The following SERTAD2 variants were observed in gnomAD, a reference collection of about 807,000 sequenced individuals.
SERTAD2 encodes the protein SERTA domain-containing protein 2.
SERTAD2 carries 2 observed loss-of-function variants against 15.4 expected under a neutral mutation model. The ratio of observed to expected loss-of-function variants is 0.13; its 90% confidence interval spans 0.05 to 0.41. The LOEUF is 0.41. SERTAD2 is among the 10% of genes least tolerant of loss of function. The pLI, the probability that SERTAD2 is intolerant of heterozygous loss-of-function variation, is 0.99. For synonymous variants in SERTAD2, 180 were observed against 178.0 expected (o/e 1.01, Z -0.09); for missense variants, 333 against 409.7 (o/e 0.81, Z 1.62).
intron 1 of SERTAD2, among the ~76,000 whole-genome samples, chr2:64,641,793 G>A (rs1233602038): frequency 6.6e-6 from 1 of 152,184 alleles, no homozygotes; most frequent in East Asian, 1.9e-4. Flanking sequence ...TATGGAGTAG[G>A]CAGGAAAGCT....
rs895399713 is a variant in SERTAD2 at position 64,636,570 on chromosome 2, C to T, written c.302G>A (p.Arg101Gln). ...QPTTEPSDSY[R>Q]EAPPAFSHLA... ...GTGGCTGAAGGCCGGCGGGGCCTCT[C>T]GGTAGCTGTCGCTGGGCTCGGTGGT... Residue 101 changes from arginine (R) to glutamine (Q), a missense_variant, in exon 2 of 2, where the codon CGA (arginine) becomes CAA (glutamine). Physicochemically the swap from Arg to Gln is conservative, Grantham distance 43. This residue lies in a region of SERTAD2 where 332 missense variants were observed against 392.9 expected (regional missense o/e 0.84). Coordinates refer to ENST00000313349, the MANE Select transcript of SERTAD2 (RefSeq NM_014755.3). 9.4e-6 allele frequency: 15 copies of T among 1,595,992 alleles called. No homozygotes were observed. The highest frequency in any genetic ancestry group is 1.7e-4 in the Middle Eastern group (1 of 5,972).
chr2:64,642,723 G>A (rs945756235), intron 1 of SERTAD2, among the ~76,000 whole-genome samples: 2 of 152,170 alleles, frequency 1.3e-5, no homozygotes, highest in African/African-American at 4.8e-5. Context: ...CCCTGGGTTG[G>A]GGGGGCAGGG....
intron 1 of SERTAD2, among the ~76,000 whole-genome samples, chr2:64,641,445 T>C (rs1431649941): frequency 6.6e-6 from 1 of 152,222 alleles, no homozygotes; most frequent in Non-Finnish European, 1.5e-5. Context: ...GGATTGTCTC[T>C]TCATATCTGT....
At chr2:64,649,835 T>C (rs1674973235) in intron 1 of SERTAD2, among the ~76,000 whole-genome samples, 1 of 152,148 alleles carries the variant, frequency 6.6e-6, no homozygotes, top group Admixed American at 6.5e-5. Flanking sequence ...CGCCTCCGCA[T>C]AGCTCAGTCC....
chr2:64,647,799 GT>G (rs1334595803), intron 1 of SERTAD2, among the ~76,000 whole-genome samples: 1 of 152,102 alleles, frequency 6.6e-6, no homozygotes, highest in Non-Finnish European at 1.5e-5. Flanking sequence ...GGCCTTCTAG[GT>G]TTTATTAGAC....
chr2:64,639,225 C>G (rs969853870), intron 1 of SERTAD2, among the ~76,000 whole-genome samples: 2 of 152,206 alleles, frequency 1.3e-5, no homozygotes, highest in African/African-American at 4.8e-5. Flanking sequence ...TGGTGCCTGT[C>G]TGCGAACTGT....
At chr2:64,645,383 G>A (rs905948044) in intron 1 of SERTAD2, among the ~76,000 whole-genome samples, 18 of 45,312 alleles carry the variant, frequency 4.0e-4, no homozygotes, top group Middle Eastern at 8.5e-3. Context: ...CAGTGAAGAA[G>A]AAGAAGAAGA....
intron 1 of SERTAD2, chr2:64,646,479 CTT>C (rs1674904881): frequency 6.6e-6 from 1 of 151,980 alleles, no homozygotes; most frequent in African/African-American, 2.4e-5. Flanking sequence ...AGTTGGAACT[CTT>C]TAAATTCTGG....
intron 1 of SERTAD2, among the ~76,000 whole-genome samples, chr2:64,640,543 C>G (rs1344690269): frequency 2.0e-5 from 3 of 152,072 alleles, no homozygotes; most frequent in Non-Finnish European, 4.4e-5. Flanking sequence ...AGGCAAGGGA[C>G]CTTTCAAAAA....
At chr2:64,641,223 G>A (rs1674770260) in intron 1 of SERTAD2, among the ~76,000 whole-genome samples, 1 of 152,168 alleles carries the variant, frequency 6.6e-6, no homozygotes, top group African/African-American at 2.4e-5. Context: ...CTGGGTAGAT[G>A]CTCAAAAGTA....
chr2:64,638,394 TTTTGAA>T (rs2104339889), intron 1 of SERTAD2, among the ~76,000 whole-genome samples: 1 of 152,344 alleles, frequency 6.6e-6, no homozygotes, highest in South Asian at 2.1e-4. Context: ...CTGATCACCA[TTTTGAA>T]TTTCAAGTCT....
In SERTAD2 at chr2:64,636,310, C is replaced by T; in HGVS notation, c.562G>A (p.Ala188Thr). 6.2e-7 allele frequency: 1 copy of T among 1,614,176 alleles called. No homozygotes were observed. Among genetic ancestry groups the T allele is most frequent in the Non-Finnish European group, 8.5e-7 (1 of 1,180,044 alleles). Residue 188 changes from alanine (A) to threonine (T), a missense_variant, in exon 2 of 2, where the codon GCG becomes ACG. Physicochemically the swap from Ala to Thr is moderately conservative, Grantham distance 58. This residue lies in a region of SERTAD2 where 332 missense variants were observed against 392.9 expected (regional missense o/e 0.84). Coordinates refer to ENST00000313349, the MANE Select transcript of SERTAD2 (RefSeq NM_014755.3). ...ACACTGTCAGTCGCAGCCGTGGCCG[C>T]CTCTGTGGAGGTAGATGTGGGACAG... ...ELCPTSTSTEAATAATDSVKG... is the reference protein window; with the variant it reads ...ELCPTSTSTETATAATDSVKG...
At chr2:64,642,791 G>C (rs1303204676) in intron 1 of SERTAD2, among the ~76,000 whole-genome samples, 1 of 152,154 alleles carries the variant, frequency 6.6e-6, no homozygotes, top group African/African-American at 2.4e-5. Flanking sequence ...ACCAAGGCTG[G>C]CTTGCTGGGT....
chr2:64,644,180 C>T (rs1026276680), intron 1 of SERTAD2, among the ~76,000 whole-genome samples: 4 of 152,214 alleles, frequency 2.6e-5, no homozygotes, highest in African/African-American at 9.6e-5. Context: ...AGTGGAAACA[C>T]ATTCATACTC....
In SERTAD2 at chr2:64,633,936, T is replaced by C. The variant is rs1245402733; in HGVS notation, c.*1991A>G. ...TTTGCTTAGATGAGCAGTTCCTTCATCACAAACGTCTTTGCTTTGCCATGT... is the reference window on the plus strand; with the variant it reads ...TTTGCTTAGATGAGCAGTTCCTTCACCACAAACGTCTTTGCTTTGCCATGT... On this transcript the variant is annotated 3_prime_UTR_variant, in exon 2 of 2. Transcript: ENST00000313349. The C allele has an allele frequency of 6.6e-6, 1 of 152,634 alleles. No individual in the cohort carries two copies. Among genetic ancestry groups the C allele is most frequent in the Non-Finnish European group, 1.5e-5 (1 of 68,044 alleles). 9.5% of individuals were successfully genotyped at this position (152,634 alleles called of 1,614,324 possible).
intron 1 of SERTAD2, among the ~76,000 whole-genome samples, chr2:64,640,616 T>A (rs868359780): frequency 4.0e-5 from 6 of 151,640 alleles, no homozygotes; most frequent in Middle Eastern, 3.2e-3. Context: ...TGTAGGTGAC[T>A]CTAGGGAGGG....
intron 1 of SERTAD2, among the ~76,000 whole-genome samples, chr2:64,647,606 G>A (rs991629840): frequency 1.3e-5 from 2 of 151,428 alleles, no homozygotes; most frequent in Middle Eastern, 3.4e-3. Flanking sequence ...AATAAACAAT[G>A]TCAAGGAGGT....
chr2:64,640,279 G>A (rs1432136837), intron 1 of SERTAD2, among the ~76,000 whole-genome samples: 2 of 152,224 alleles, frequency 1.3e-5, no homozygotes, highest in Non-Finnish European at 2.9e-5. Flanking sequence ...GGGGAGGGCA[G>A]TGGGAACTCT....
chr2:64,648,937 T>C (rs1674956286), intron 1 of SERTAD2, among the ~76,000 whole-genome samples: 1 of 152,112 alleles, frequency 6.6e-6, no homozygotes, highest in Non-Finnish European at 1.5e-5. Context: ...CTCTGGATCA[T>C]AGCACCCAAA....
Sources: allele counts gnomAD v4.1 joint callset (sites outside exome capture counted in the v4.1 genomes callset), GRCh38; gene constraint gnomAD v4.1.1; regional missense constraint gnomAD v4.1.1; transcripts MANE v1.5; gene names NCBI Gene and HGNC (gene_info 2026-07-23, HGNC 2026-07-21).